Variants in RALYL observed in about 807,000 individuals in gnomAD.
RALYL encodes RNA-binding Raly-like protein.
RALYL carries 29 observed loss-of-function variants against 35.1 expected under a neutral mutation model. The ratio of observed to expected loss-of-function variants is 0.83; its 90% CI spans 0.61 to 1.13. The LOEUF (loss-of-function observed/expected upper bound fraction) is 1.13, where lower values mean the gene tolerates loss of function less well. Among genes scored for constraint, RALYL ranks in the 50% most tolerant of loss-of-function variants. The pLI, the probability that RALYL is intolerant of heterozygous loss-of-function variation, is 0.00. For missense variants in RALYL, 359 were observed against 360.4 expected, an observed-to-expected ratio of 1.00 and a Z score of 0.03; for synonymous variants, 120 against 127.6, an observed-to-expected ratio of 0.94 and a Z score of 0.40.
intron 1 of RALYL, among the ~76,000 whole-genome samples, chr8:84,200,488 A>G (rs1174367997): frequency 6.6e-6 from 1 of 152,166 alleles, no homozygotes; most frequent in African/African-American, 2.4e-5. Flanking sequence ...CTAAGACTAA[A>G]TACATTTTAA....
At chr8:84,542,066 A>ATTT (rs2060052487) in intron 2 of RALYL, among the ~76,000 whole-genome samples, 2 of 152,042 alleles carry the variant, frequency 1.3e-5, no homozygotes, top group African/African-American at 4.8e-5. Flanking sequence ...TGTGTCTACA[A>ATTT]GTTTGCTGTT....
rs373607743 is a variant in RALYL, at chr8:84,429,379, T to A, written c.-23-99920T>A. ...TTTGACATCTTTAAAAACCTGATAT[T>A]GTAGCTGTAGTTTTGATCTTCGTTC... On this transcript the variant is annotated intron_variant, in intron 1 of 8. Transcript: ENST00000521268. Among the ~76,000 whole-genome samples the A allele has an allele frequency of 1.2e-4, 19 of 152,298 alleles. No individual in the cohort carries two copies. The East Asian group carries it at 1.9e-3, about 15-fold the overall frequency.
intron 3 of RALYL, among the ~76,000 whole-genome samples, chr8:84,782,031 G>A (rs1013455833): frequency 3.4e-5 from 5 of 148,548 alleles, no homozygotes; most frequent in South Asian, 2.2e-4. Flanking sequence ...GCACACGCGC[G>A]CACACACACA....
chr8:84,586,627 A>G (rs949370534), intron 2 of RALYL, among the ~76,000 whole-genome samples: 2 of 152,234 alleles, frequency 1.3e-5, no homozygotes, highest in Admixed American at 6.5e-5. Flanking sequence ...TCAAATGCTT[A>G]GTCTCACAGC....
intron 3 of RALYL, among the ~76,000 whole-genome samples, chr8:84,786,283 G>A (rs1362755602): frequency 6.6e-6 from 1 of 152,106 alleles, no homozygotes; most frequent in Non-Finnish European, 1.5e-5. Flanking sequence ...GTGCTGCAAT[G>A]AACATATGTG....
At chr8:84,423,758 C>T (rs558687826) in intron 1 of RALYL, among the ~76,000 whole-genome samples, 50 of 151,764 alleles carry the variant, frequency 3.3e-4, no homozygotes, top group African/African-American at 9.4e-4. Context: ...GTGACAAAAT[C>T]GGTCAGCATT....
At chr8:84,299,829 T>C (rs1840434896) in intron 1 of RALYL, among the ~76,000 whole-genome samples, 1 of 149,766 alleles carries the variant, frequency 6.7e-6, no homozygotes, top group Non-Finnish European at 1.5e-5. Context: ...TTTGTGATGG[T>C]GTTTATTTGG....
intron 5 of RALYL, among the ~76,000 whole-genome samples, chr8:84,854,546 G>A (rs764211955): frequency 9.9e-5 from 15 of 152,134 alleles, no homozygotes; most frequent in Admixed American, 2.0e-4. Context: ...AAAGCATTCC[G>A]GCTGCAGCTG....
At position 84,704,446 on chromosome 8, in the gene RALYL, G is replaced by GACACAC. The variant is rs3068023; in HGVS notation, c.257-70101_257-70096dup. 8.0e-3 allele frequency among the ~76,000 whole-genome samples: 832 copies of GACACAC among 104,068 alleles called. 3 individuals carry two copies. Among genetic ancestry groups the GACACAC allele is most frequent in the African/African-American group, 0.021 (604 of 28,804 alleles). 68.3% of individuals were successfully genotyped at this position (104,068 alleles called of 152,430 possible). On this transcript the variant is annotated intron_variant, in intron 2 of 8. Transcript: ENST00000521268. Reference sequence around the variant, plus strand: ...TACCACCAGCCCCCCAATACACACAGACACACACACACACACACACACACA... The same window carrying GACACAC: ...TACCACCAGCCCCCCAATACACACAGACACACACACACACACACACACACACACACA...
chr8:84,343,959 C>T (rs1849343115), intron 1 of RALYL, among the ~76,000 whole-genome samples: 1 of 151,736 alleles, frequency 6.6e-6, no homozygotes, highest in Non-Finnish European at 1.5e-5. Flanking sequence ...CTGGATATGA[C>T]CTGCGGTGAT....
chr8:84,905,910 G>A (rs1362991938), intron 8 of RALYL, among the ~76,000 whole-genome samples: 1 of 151,754 alleles, frequency 6.6e-6, no homozygotes, highest in Non-Finnish European at 1.5e-5. Flanking sequence ...CTTTAGTTGT[G>A]TGTTTTTTTA....
intron 1 of RALYL, among the ~76,000 whole-genome samples, chr8:84,189,781 C>T (rs1813414607): frequency 6.6e-6 from 1 of 151,374 alleles, no homozygotes; most frequent in Non-Finnish European, 1.5e-5. Flanking sequence ...ATTCTTGATA[C>T]ATTACTTAAG....
intron 3 of RALYL, among the ~76,000 whole-genome samples, chr8:84,802,973 AAG>A (rs1236006851): frequency 6.6e-6 from 1 of 152,204 alleles, no homozygotes; most frequent in African/African-American, 2.4e-5. Context: ...AGGCTGAAAA[AAG>A]AGAGAGGAGA....
intron 2 of RALYL, among the ~76,000 whole-genome samples, chr8:84,564,603 A>G (rs1236477617): frequency 6.6e-6 from 1 of 151,568 alleles, no homozygotes; most frequent in Non-Finnish European, 1.5e-5. Context: ...TAGATCTTTT[A>G]TTATCTTCCT....
At chr8:84,345,016 C>G (rs1849554654) in intron 1 of RALYL, among the ~76,000 whole-genome samples, 1 of 151,110 alleles carries the variant, frequency 6.6e-6, no homozygotes, top group South Asian at 2.1e-4. Context: ...GAGTAGATAT[C>G]TTTTTAATTC....
chr8:84,717,953 G>C, intron 2 of RALYL, among the ~76,000 whole-genome samples: 1 of 152,030 alleles, frequency 6.6e-6, no homozygotes, highest in East Asian at 1.9e-4. Flanking sequence ...AATAAAACTA[G>C]TTTAAGGTAT....
intron 8 of RALYL, among the ~76,000 whole-genome samples, chr8:84,913,514 T>C (rs570093512): frequency 9.2e-5 from 14 of 152,040 alleles, no homozygotes; most frequent in Non-Finnish European, 1.9e-4. Context: ...TTCTATATTC[T>C]CATATAATGA....
intron 8 of RALYL, among the ~76,000 whole-genome samples, chr8:84,915,041 C>T (rs1482856837): frequency 6.6e-6 from 1 of 152,034 alleles, no homozygotes; most frequent in Non-Finnish European, 1.5e-5. Context: ...AATAATCAAT[C>T]TGAGGATGAT....
At chr8:84,612,049 C>T (rs1818419961) in intron 2 of RALYL, among the ~76,000 whole-genome samples, 1 of 151,866 alleles carries the variant, frequency 6.6e-6, no homozygotes, top group Non-Finnish European at 1.5e-5. Flanking sequence ...CAGCTCTTTT[C>T]ATAGTAATGG....
Sources: gnomAD v4.1 joint callset for allele counts (sites outside exome capture counted in the v4.1 genomes callset) on GRCh38, gnomAD v4.1.1 for gene constraint, MANE v1.5 for transcripts, NCBI Gene and HGNC (gene_info 2026-07-23, HGNC 2026-07-21) for gene names.